CHD7: variants seen among roughly 807,000 people sequenced by gnomAD.
CHD7 encodes chromodomain helicase DNA binding protein 7.
Under a neutral mutation model 307.3 loss-of-function variants are expected in CHD7, and 24 were observed. That is an observed-to-expected ratio of 0.08 (90% CI 0.06 to 0.11). The LOEUF (loss-of-function observed/expected upper bound fraction) is 0.11. Ranked by LOEUF, CHD7 falls within the 10% of genes least tolerant of loss-of-function variation. The probability of loss-of-function intolerance (pLI) is 1.00; values close to 1 mark genes in which losing one functional copy is unlikely to be tolerated. For missense variants in CHD7, 3,106 were observed against 3,727.1 expected (o/e 0.83, Z 4.34); for synonymous variants, 1,363 against 1,349.9 (o/e 1.01, Z -0.21).
At position 60,766,752 on chromosome 8, in the gene CHD7, C is replaced by A. The variant is rs528057735; in HGVS notation, c.1666-14248C>A. ...TAACAGTTTGTGGAGAAATCAAGAA[C>A]CTGTTTTGGAATGCCTTAAATTTGA... On this transcript the variant is annotated intron_variant, in intron 2 of 37. Coordinates refer to ENST00000423902, the MANE Select transcript of CHD7 (RefSeq NM_017780.4). Among the ~76,000 whole-genome samples the A allele has an allele frequency of 2.0e-5, 3 of 152,262 alleles. No individual in the cohort carries two copies. The South Asian group carries it at 6.2e-4, about 32-fold the overall frequency.
chr8:60,854,518 C>T lies in CHD7; in HGVS notation c.6931C>T (p.Pro2311Ser), dbSNP rs769906291. The T allele has an allele frequency of 1.9e-6, 3 of 1,589,636 alleles. No individual in the cohort carries two copies. Among genetic ancestry groups the T allele is most frequent in the Non-Finnish European group, 2.6e-6 (3 of 1,162,360 alleles). The change falls in exon 32 of 38, where the codon CCT becomes TCT. Residue 2311 changes from proline to serine, a missense_variant. Physicochemically the swap from Pro to Ser is moderately conservative, Grantham distance 74. Around this residue, in one of 10 missense-constraint regions of CHD7, gnomAD observed 1,030 missense variants for 1,165.4 expected, o/e 0.88. Transcript: ENST00000423902. ...AAGAACATTTGCCTTCTCGTTTTGG[C>T]CTAAGGTTGGCAGGTTTTTGTTGCT... The part of the protein sequence containing the change: ...HERTFAFSFW[P>S]KDRVMINRLD...
chr8:60,690,481 AT>A (rs555944814), intron 1 of CHD7, among the ~76,000 whole-genome samples: 1 of 152,296 alleles, frequency 6.6e-6, no homozygotes, highest in East Asian at 1.9e-4. Flanking sequence ...ATTAAAAAAA[AT>A]AAAAAAAATA....
intron 1 of CHD7, among the ~76,000 whole-genome samples, chr8:60,711,142 A>G (rs1225425385): frequency 1.3e-5 from 2 of 152,212 alleles, no homozygotes; most frequent in Admixed American, 6.5e-5. Context: ...GTGGACAAGG[A>G]GGGCTATTAA....
intron 1 of CHD7, among the ~76,000 whole-genome samples, chr8:60,682,254 A>G (rs1241245472): frequency 6.6e-6 from 1 of 152,188 alleles, no homozygotes; most frequent in Non-Finnish European, 1.5e-5. Flanking sequence ...TTTCATAATG[A>G]GCCTTCTTTC....
At chr8:60,769,692 G>A (rs566176316) in intron 2 of CHD7, among the ~76,000 whole-genome samples, 4 of 152,264 alleles carry the variant, frequency 2.6e-5, no homozygotes, top group South Asian at 2.1e-4. Flanking sequence ...TTTAATTGAC[G>A]GAACGATGGT....
chr8:60,696,500 A>G (rs1012964371), intron 1 of CHD7, among the ~76,000 whole-genome samples: 1 of 152,204 alleles, frequency 6.6e-6, no homozygotes. Context: ...GAGCAGTAAC[A>G]GTACTTACTA....
chr8:60,838,275 G>A lies in CHD7; in HGVS notation c.4533+20G>A. 1.3e-6 allele frequency: 2 copies of A among 1,589,054 alleles called. No individual in the cohort carries two copies. Among genetic ancestry groups the A allele is most frequent in the Non-Finnish European group, 1.7e-6 (2 of 1,166,858 alleles). On this transcript the variant is annotated intron_variant, in intron 19 of 37. Transcript: ENST00000423902. ...GCTAAGGTGTGAATCGATCTAAAGAGGCCAGGTTTTCCATAGAAGCATGAC... is the reference window on the plus strand; with the variant it reads ...GCTAAGGTGTGAATCGATCTAAAGAAGCCAGGTTTTCCATAGAAGCATGAC...
chr8:60,817,343 A>G (rs1349071873), intron 8 of CHD7, among the ~76,000 whole-genome samples: 2 of 152,206 alleles, frequency 1.3e-5, no homozygotes, highest in African/African-American at 4.8e-5. Flanking sequence ...TTAACAACCT[A>G]CTTTGTACTG....
chr8:60,852,483 T>A lies in CHD7; in HGVS notation c.5895-15T>A. 1 of 1,605,236 alleles carries A rather than the reference T, an allele frequency of 6.2e-7. No homozygotes were observed. The highest frequency in any genetic ancestry group is 8.5e-7 in the Non-Finnish European group (1 of 1,172,892). ...TCCTGAAGTATGATGCAAGCTAATA[T>A]AATCTTTCTAACAGGTGGACAAGAA... On this transcript the variant is annotated splice_polypyrimidine_tract_variant and intron_variant, in intron 29 of 37. Coordinates refer to ENST00000423902, the MANE Select transcript of CHD7 (RefSeq NM_017780.4).
intron 1 of CHD7, among the ~76,000 whole-genome samples, chr8:60,714,181 G>A (rs925255496): frequency 3.3e-5 from 5 of 151,770 alleles, no homozygotes; most frequent in African/African-American, 1.2e-4. Context: ...CGGGCCCCCC[G>A]GGGGGCGGGG....
At chr8:60,829,328 G>A (rs1293449771) in intron 14 of CHD7, among the ~76,000 whole-genome samples, 1 of 152,202 alleles carries the variant, frequency 6.6e-6, no homozygotes, top group Non-Finnish European at 1.5e-5. Context: ...GGCCAGGCGC[G>A]GTGGCTTACG....
chr8:60,748,232 G>A (rs1252313909), intron 2 of CHD7, among the ~76,000 whole-genome samples: 1 of 152,172 alleles, frequency 6.6e-6, no homozygotes, highest in Non-Finnish European at 1.5e-5. Context: ...TGGGGGCAGT[G>A]ATGTCTTTGC....
intron 1 of CHD7, among the ~76,000 whole-genome samples, chr8:60,686,793 G>A (rs1364466545): frequency 6.6e-6 from 1 of 152,142 alleles, no homozygotes; most frequent in Non-Finnish European, 1.5e-5. Context: ...CATATTTGCA[G>A]TATGTCTAAA....
rs777577551 is a variant in CHD7, at chr8:60,862,248, A to G, written c.7883A>G (p.His2628Arg). The G allele has an allele frequency of 1.9e-6, 3 of 1,612,028 alleles. No homozygotes were observed. The highest frequency in any genetic ancestry group is 2.2e-5 in the East Asian group (1 of 44,880). Residue 2628 changes from histidine (H) to arginine (R), a missense_variant, in exon 36 of 38, where the codon CAT becomes CGT. Transcript: ENST00000423902. ...SSFQKPKQKR[H>R]RCRNPNKLDI... is the part of the protein sequence containing the mutation. ...TTTCAGAAACCGAAACAGAAACGAC[A>G]TAGATGTCGAAACCCTAATAAATTG...
chr8:60,795,163 T>C lies in CHD7; in HGVS notation c.2238+36T>C, dbSNP rs757690297. On this transcript the variant is annotated intron_variant, in intron 4 of 37. Coordinates refer to ENST00000423902, the MANE Select transcript of CHD7 (RefSeq NM_017780.4). ...TATTGTGATTCCCGAGCCTTGGTTA[T>C]TTGGCATGGGTAACTTTAGCCATGT... The C allele has an allele frequency of 4.4e-6, 7 of 1,603,636 alleles. No individual in the cohort carries two copies. In the South Asian group the frequency reaches 7.9e-5, roughly 18 times the overall value.
intron 14 of CHD7, among the ~76,000 whole-genome samples, chr8:60,829,408 G>A: frequency 6.6e-6 from 1 of 152,136 alleles, no homozygotes. Flanking sequence ...GACCAGCCTG[G>A]CCAATATGGT....
intron 9 of CHD7, 88 bp downstream of exon 9, chr8:60,820,178 C>A: frequency 1.3e-6 from 1 of 785,020 alleles, no homozygotes; most frequent in Non-Finnish European, 2.1e-6. Flanking sequence ...TAGACCTGGT[C>A]TTGGTCAGAG....
At chr8:60,715,749 A>G (rs1361339458) in intron 1 of CHD7, among the ~76,000 whole-genome samples, 2 of 151,174 alleles carry the variant, frequency 1.3e-5, no homozygotes, top group Non-Finnish European at 2.9e-5. Context: ...ATATGGCAAT[A>G]CTCTACCTTA....
intron 1 of CHD7, among the ~76,000 whole-genome samples, chr8:60,700,117 T>C (rs1447674444): frequency 6.6e-6 from 1 of 152,124 alleles, no homozygotes; most frequent in Non-Finnish European, 1.5e-5. Context: ...GGATTATAGG[T>C]GTGAGCCACC....
Sources: allele counts gnomAD v4.1 joint callset (sites outside exome capture counted in the v4.1 genomes callset), GRCh38; gene constraint gnomAD v4.1.1; regional missense constraint gnomAD v4.1.1; transcripts MANE v1.5; gene names NCBI Gene and HGNC (gene_info 2026-07-23, HGNC 2026-07-21).